The following CAMK2D variants were observed in gnomAD, a reference collection of about 807,000 sequenced individuals.
The protein encoded by CAMK2D is calcium/calmodulin-dependent protein kinase type II subunit delta.
A neutral mutation model predicts 84.0 loss-of-function variants in CAMK2D; 37 were observed. That is an observed-to-expected ratio of 0.44 (90% confidence interval 0.34 to 0.58). The LOEUF (loss-of-function observed/expected upper bound fraction) is 0.58. Among genes scored for constraint, CAMK2D ranks in the 20% least tolerant of loss-of-function variants. The pLI is 0.02. For synonymous variants in CAMK2D, 202 were observed against 212.5 expected (o/e 0.95, Z 0.43); for missense variants, 448 against 652.5 (o/e 0.69, Z 3.41).
chr4:113,567,469 G>A (rs10001376), intron 4 of CAMK2D, among the ~76,000 whole-genome samples: 14,304 of 152,140 alleles, frequency 0.094, 975 homozygotes, highest in African/African-American at 0.19. Flanking sequence ...CACCCGGCCA[G>A]CTGAGATCTT....
At chr4:113,632,487 T>C (rs1381545191) in intron 3 of CAMK2D, among the ~76,000 whole-genome samples, 1 of 151,964 alleles carries the variant, frequency 6.6e-6, no homozygotes, top group East Asian at 1.9e-4. Flanking sequence ...CCTCCCAAAG[T>C]GCTTGGATTA....
intron 16 of CAMK2D, among the ~76,000 whole-genome samples, chr4:113,497,152 G>A (rs1406596668): frequency 2.0e-5 from 3 of 151,700 alleles, no homozygotes; most frequent in Admixed American, 2.0e-4. Flanking sequence ...ATATATGTTG[G>A]GTTTCACTAA....
intron 2 of CAMK2D, among the ~76,000 whole-genome samples, chr4:113,695,254 A>G (rs1031917257): frequency 6.4e-5 from 5 of 77,990 alleles, no homozygotes; most frequent in East Asian, 4.2e-4. Flanking sequence ...CTAAGGGGGG[A>G]AAAGGAATGA....
In CAMK2D at chr4:113,453,173, T is replaced by TG. The variant is rs2097269662; in HGVS notation, c.*1371dup. The stretch of plus-strand genomic sequence containing the variant: ...GGACATTTCCCTTTTTGTTTTAAAC[T>TG]GGGAAATTCTAACTCCTTGGAGGAA... On this transcript the variant is annotated 3_prime_UTR_variant, in exon 21 of 21. Coordinates refer to ENST00000511664, the MANE Select transcript of CAMK2D (RefSeq NM_001321571.2). 1 of 152,152 alleles carries TG rather than the reference T, an allele frequency of 6.6e-6. No individual in the cohort carries two copies. The highest frequency in any genetic ancestry group is 2.4e-5 in the African/African-American group (1 of 41,434). 9.4% of individuals were successfully genotyped at this position (152,152 alleles called of 1,614,324 possible).
At chr4:113,655,417 C>T (rs1217092817) in intron 3 of CAMK2D, among the ~76,000 whole-genome samples, 2 of 152,000 alleles carry the variant, frequency 1.3e-5, no homozygotes, top group Admixed American at 6.6e-5. Flanking sequence ...TCATTCCCTG[C>T]ACTAGGGGTT....
At chr4:113,721,101 C>T (rs1448174328) in intron 2 of CAMK2D, among the ~76,000 whole-genome samples, 6 of 152,052 alleles carry the variant, frequency 3.9e-5, no homozygotes, top group Non-Finnish European at 8.8e-5. Context: ...TCTATAAATA[C>T]CACTACTAAG....
chr4:113,500,563 T>C, intron 15 of CAMK2D, 52 bp from the exon 16 acceptor site: 1 of 1,257,736 alleles, frequency 8.0e-7, no homozygotes, highest in East Asian at 2.3e-5. Flanking sequence ...TAGCTTGATT[T>C]CCTCCTTAAA....
chr4:113,510,236 T>C (rs952059162), intron 12 of CAMK2D, among the ~76,000 whole-genome samples: 2 of 152,224 alleles, frequency 1.3e-5, no homozygotes, highest in Non-Finnish European at 2.9e-5. Context: ...TGGCATATTA[T>C]TGGCTTAGAG....
intron 2 of CAMK2D, among the ~76,000 whole-genome samples, chr4:113,699,204 C>T (rs568166842): frequency 6.6e-6 from 1 of 152,116 alleles, no homozygotes; most frequent in African/African-American, 2.4e-5. Context: ...GATGGTATAT[C>T]TCTCATAGGC....
intron 6 of CAMK2D, among the ~76,000 whole-genome samples, chr4:113,544,799 G>A (rs543498332): frequency 6.6e-6 from 1 of 152,002 alleles, no homozygotes; most frequent in Non-Finnish European, 1.5e-5. Context: ...GCCTGCCACT[G>A]GACACACCTC....
intron 3 of CAMK2D, among the ~76,000 whole-genome samples, chr4:113,659,607 G>A (rs974096873): frequency 2.6e-5 from 4 of 152,146 alleles, no homozygotes; most frequent in Non-Finnish European, 5.9e-5. Context: ...ACTTGCTTAG[G>A]AAGGAGGTCT....
At chr4:113,739,054 A>C (rs1462612153) in intron 2 of CAMK2D, among the ~76,000 whole-genome samples, 3 of 152,184 alleles carry the variant, frequency 2.0e-5, no homozygotes, top group East Asian at 3.8e-4. Flanking sequence ...TTAGAACCAC[A>C]GTGTAAATGG....
intron 3 of CAMK2D, among the ~76,000 whole-genome samples, chr4:113,623,684 T>G (rs2099056088): frequency 6.6e-6 from 1 of 152,200 alleles, no homozygotes; most frequent in Non-Finnish European, 1.5e-5. Context: ...TGGTATTATC[T>G]GACCATCATC....
chr4:113,738,362 T>G (rs2099585890), intron 2 of CAMK2D, among the ~76,000 whole-genome samples: 1 of 152,026 alleles, frequency 6.6e-6, no homozygotes, highest in Admixed American at 6.6e-5. Context: ...TTCCAATCCA[T>G]CCTCCACAAA....
chr4:113,593,059 G>A (rs2098899916), intron 4 of CAMK2D, among the ~76,000 whole-genome samples: 1 of 151,988 alleles, frequency 6.6e-6, no homozygotes, highest in Admixed American at 6.6e-5. Context: ...TCGCCATCTT[G>A]GCCAGGCTGG....
At chr4:113,757,026 T>C (rs537459517) in intron 2 of CAMK2D, among the ~76,000 whole-genome samples, 118 of 152,228 alleles carry the variant, frequency 7.8e-4, no homozygotes, top group African/African-American at 2.8e-3. Context: ...ATGATTCTCA[T>C]TGAATTCCCT....
At position 113,543,927 on chromosome 4, in the gene CAMK2D, G is replaced by A. The variant is rs533849816; in HGVS notation, c.414+3717C>T. On this transcript the variant is annotated intron_variant, in intron 6 of 20. Coordinates refer to ENST00000511664, the MANE Select transcript of CAMK2D (RefSeq NM_001321571.2). ...CTGCCTCAGCCTCCCGAGTAGCTGG[G>A]ACTATAGGCGCCCGCCACCACGCCC... 2.2e-3 allele frequency among the ~76,000 whole-genome samples: 337 copies of A among 152,138 alleles called. 5 individuals carry two copies. The highest frequency in any genetic ancestry group is 6.1e-3 in the African/African-American group (252 of 41,530).
chr4:113,473,684 G>A (rs1336377589), intron 16 of CAMK2D, among the ~76,000 whole-genome samples: 1 of 152,110 alleles, frequency 6.6e-6, no homozygotes, highest in Non-Finnish European at 1.5e-5. Flanking sequence ...GCTATATAAT[G>A]CAGAGTAGTT....
chr4:113,527,398 G>A (rs1005690573), intron 8 of CAMK2D, among the ~76,000 whole-genome samples: 10 of 151,878 alleles, frequency 6.6e-5, no homozygotes, highest in African/African-American at 2.4e-4. Context: ...CACTGGGCCT[G>A]GCTATTTTAA....
Sources: allele counts gnomAD v4.1 joint callset (sites outside exome capture counted in the v4.1 genomes callset), GRCh38; gene constraint gnomAD v4.1.1; transcripts MANE v1.5; gene names NCBI Gene and HGNC (gene_info 2026-07-23, HGNC 2026-07-21).